The following SRP19 variants were observed in gnomAD, a reference collection of about 807,000 sequenced individuals.
The protein encoded by SRP19 is signal recognition particle 19, also known as signal recognition particle 19 kDa protein.
In SRP19, 11 loss-of-function variants were observed where a neutral mutation model predicts 22.4. The ratio of observed to expected loss-of-function variants is 0.49; its 90% CI spans 0.31 to 0.81. The LOEUF (loss-of-function observed/expected upper bound fraction) is 0.81. Among genes scored for constraint, SRP19 ranks in the 40% least tolerant of loss-of-function variants. SRP19 has a pLI of 0.05. For missense variants in SRP19, 168 were observed against 175.9 expected, an observed-to-expected ratio of 0.96 and a Z score of 0.25; for synonymous variants, 61 against 57.6, an observed-to-expected ratio of 1.06 and a Z score of -0.27.
intron 4 of SRP19, among the ~76,000 whole-genome samples, chr5:112,865,508 T>A (rs1767569961): frequency 6.6e-6 from 1 of 152,214 alleles, no homozygotes. Context: ...AGCTATTAAT[T>A]TTTTCTTTCA....
At chr5:112,870,296 G>A (rs1375983492), downstream of SRP19, among the ~76,000 whole-genome samples, 1 of 152,070 alleles carries the variant, frequency 6.6e-6, no homozygotes, top group Non-Finnish European at 1.5e-5. Flanking sequence ...GGACCAACCT[G>A]GGCAACATAG....
At chr5:112,895,237 C>CAAAAAAAAAAAAAAAAAAAAAAA (rs10684553), downstream of SRP19, 2 of 62,216 alleles carry the variant, frequency 3.2e-5, no homozygotes, top group Admixed American at 2.5e-4. Context: ...GACTCTGTCT[C>CAAAAAAAAAAAAAAAAAAAAAAA]AAAAAAAAAA....
intron 4 of SRP19, chr5:112,876,815 G>T (rs948378572): frequency 6.6e-6 from 1 of 151,214 alleles, no homozygotes; most frequent in African/African-American, 2.4e-5. Flanking sequence ...TTAAATTTTG[G>T]TCTCAAGGGA....
chr5:112,884,753 A>C (rs1768184414), intron 4 of SRP19, among the ~76,000 whole-genome samples: 1 of 147,078 alleles, frequency 6.8e-6, no homozygotes, highest in African/African-American at 2.6e-5. Flanking sequence ...CTCTATTTAA[A>C]ATCATAACCA....
At chr5:112,863,427 A>T (rs1300387137) in intron 2 of SRP19, among the ~76,000 whole-genome samples, 1 of 152,076 alleles carries the variant, frequency 6.6e-6, no homozygotes, top group Non-Finnish European at 1.5e-5. Context: ...TGTTCTGTGC[A>T]TTTTAAGATG....
intron 4 of SRP19, chr5:112,878,600 A>G (rs1270684447): frequency 1.2e-6 from 1 of 844,290 alleles, no homozygotes; most frequent in Non-Finnish European, 1.8e-6. Flanking sequence ...CATTAAGTTT[A>G]AAGTGCTCCC....
At chr5:112,875,041 G>A (rs1216589917) in intron 4 of SRP19, among the ~76,000 whole-genome samples, 1 of 152,156 alleles carries the variant, frequency 6.6e-6, no homozygotes, top group Non-Finnish European at 1.5e-5. Context: ...CTCCCAGAGT[G>A]CTGGGATTAC....
rs1259948515 is a variant in SRP19, at chr5:112,867,539, C to T, written c.*2C>T. On this transcript the variant is annotated 3_prime_UTR_variant, in exon 5 of 5. Coordinates refer to ENST00000505459, the MANE Select transcript of SRP19 (RefSeq NM_003135.3). Reference sequence around the variant, plus strand: ...GGGAAAGGAAAGAAAAAGAAGTAACCTAGTATCAGCATCAAGTATGTGGTA... The same window carrying T: ...GGGAAAGGAAAGAAAAAGAAGTAACTTAGTATCAGCATCAAGTATGTGGTA... The T allele has an allele frequency of 6.2e-7, 1 of 1,605,446 alleles. No individual in the cohort carries two copies. Among genetic ancestry groups the T allele is most frequent in the Non-Finnish European group, 8.5e-7 (1 of 1,176,052 alleles).
downstream of SRP19, among the ~76,000 whole-genome samples, chr5:112,870,569 A>ATTGT (rs1157629116): frequency 1.3e-5 from 2 of 152,064 alleles, no homozygotes; most frequent in African/African-American, 4.8e-5. Flanking sequence ...GGCAATAAGG[A>ATTGT]TTGTCAGTGC....
Position 112,862,573 on chromosome 5 carries a change from C to G in SRP19, c.107C>G (p.Pro36Arg). Residue 36 changes from proline (P) to arginine (R), a missense_variant, in exon 2 of 5, where the codon CCC (proline) becomes CGC (arginine). By Grantham distance (103) the Pro-to-Arg change is moderately radical. Transcript: ENST00000505459. ...KKTIAEGRRI[P>R]ISKAVENPTA... ...ACCATCGCAGAGGGAAGGCGAATCCCCATAAGTAAGGTAAGCAAGATGGCT... is the reference window on the plus strand; with the variant it reads ...ACCATCGCAGAGGGAAGGCGAATCCGCATAAGTAAGGTAAGCAAGATGGCT... 6.2e-7 allele frequency: 1 copy of G among 1,613,640 alleles called. No homozygotes were observed. The highest frequency in any genetic ancestry group is 1.1e-5 in the South Asian group (1 of 91,032).
downstream of SRP19, among the ~76,000 whole-genome samples, chr5:112,870,649 GA>G (rs1767735862): frequency 1.3e-5 from 2 of 152,164 alleles, no homozygotes; most frequent in African/African-American, 2.4e-5. Context: ...TTGAGAGGTG[GA>G]ACCTTTGGGA....
At chr5:112,898,273 G>A (rs539379474) in exon 4 of SRP19, 1 of 152,304 alleles carries the variant, frequency 6.6e-6, no homozygotes, top group East Asian at 1.9e-4. Flanking sequence ...ACTAATGTAG[G>A]AAGAAAGTAT....
At position 112,868,097 on chromosome 5, in the gene SRP19, C is replaced by T. The variant is rs1000573742; in HGVS notation, c.*560C>T. 6.1e-6 allele frequency: 6 copies of T among 985,318 alleles called. No individual in the cohort carries two copies. The highest frequency in any genetic ancestry group is 9.4e-5 in the South Asian group (2 of 21,276). The allele number at this position is 985,318 out of a possible 1,614,324, so 61.0% of individuals were successfully genotyped here. On this transcript the variant is annotated 3_prime_UTR_variant, in exon 5 of 5. Transcript: ENST00000505459. ...TGATATTTTAATATATTATTGTAAT[C>T]GAATCGTTCAGTTGTTTTTTGACAT...
At chr5:112,881,216 A>G (rs923223877) in intron 4 of SRP19, among the ~76,000 whole-genome samples, 8 of 151,866 alleles carry the variant, frequency 5.3e-5, no homozygotes, top group Admixed American at 3.3e-4. Context: ...AACATATTCA[A>G]GTAGACTGGA....
At chr5:112,897,264 A>G (rs1427457122), downstream of SRP19, 1 of 151,878 alleles carries the variant, frequency 6.6e-6, no homozygotes, top group East Asian at 1.9e-4. Context: ...ACAGACCAAT[A>G]TATTTGCACA....
At chr5:112,874,229 G>C (rs1260884903), downstream of SRP19, among the ~76,000 whole-genome samples, 1 of 152,138 alleles carries the variant, frequency 6.6e-6, no homozygotes, top group Non-Finnish European at 1.5e-5. Flanking sequence ...TGTAATCCCA[G>C]CACTTTGGGA....
At chr5:112,879,837 G>A (rs1768015736) in intron 4 of SRP19, among the ~76,000 whole-genome samples, 1 of 151,990 alleles carries the variant, frequency 6.6e-6, no homozygotes, top group Non-Finnish European at 1.5e-5. Context: ...GCAGCACTTT[G>A]GGAGGCTGAG....
chr5:112,866,202 C>T (rs553361026), intron 4 of SRP19, among the ~76,000 whole-genome samples: 70 of 152,024 alleles, frequency 4.6e-4, no homozygotes, highest in African/African-American at 1.6e-3. Flanking sequence ...CCGCAACCTC[C>T]GCCTCCCGGG....
chr5:112,878,469 T>A (rs2150032272), intron 4 of SRP19: 1 of 310,048 alleles, frequency 3.2e-6, no homozygotes, highest in Non-Finnish European at 5.9e-6. Context: ...CCCAGTAAAG[T>A]ACACAGCCTG....
Sources: allele counts gnomAD v4.1 joint callset (sites outside exome capture counted in the v4.1 genomes callset), GRCh38; gene constraint gnomAD v4.1.1; transcripts MANE v1.5; gene names NCBI Gene and HGNC (gene_info 2026-07-23, HGNC 2026-07-21).